PCDHA7: variants seen among roughly 807,000 people sequenced by gnomAD.
PCDHA7 encodes the protein protocadherin alpha-7.
In PCDHA7, 37 loss-of-function variants were observed where a neutral mutation model predicts 57.2. The ratio of observed to expected loss-of-function variants is 0.65; its 90% confidence interval spans 0.50 to 0.85. PCDHA7 has a LOEUF of 0.85. PCDHA7 is among the 40% of genes least tolerant of loss of function. The pLI is 0.00. For synonymous variants in PCDHA7, 553 were observed against 558.8 expected, an observed-to-expected ratio of 0.99 and a Z score of 0.15; for missense variants, 1,188 against 1,241.8, an observed-to-expected ratio of 0.96 and a Z score of 0.65.
chr5:140,926,106 G>A (rs952874240), intron 1 of PCDHA7, among the ~76,000 whole-genome samples: 9 of 152,176 alleles, frequency 5.9e-5, no homozygotes, highest in African/African-American at 2.2e-4. Flanking sequence ...GGATACAAGA[G>A]GGTGCAGGAC....
intron 1 of PCDHA7, among the ~76,000 whole-genome samples, chr5:140,921,599 G>A (rs2080288942): frequency 6.6e-6 from 1 of 152,036 alleles, no homozygotes; most frequent in African/African-American, 2.4e-5. Flanking sequence ...GGTTTCAAAG[G>A]TAATAAGAAA....
chr5:140,939,803 T>C (rs2092462819), intron 1 of PCDHA7, among the ~76,000 whole-genome samples: 1 of 152,228 alleles, frequency 6.6e-6, no homozygotes, highest in African/African-American at 2.4e-5. Flanking sequence ...ATGTTCTGCA[T>C]GTTCAAGAAA....
chr5:140,874,818 T>C (rs1169923118), intron 1 of PCDHA7, among the ~76,000 whole-genome samples: 8 of 152,256 alleles, frequency 5.3e-5, no homozygotes, highest in Admixed American at 5.2e-4. Flanking sequence ...ACAATTTATA[T>C]AAATGAAATA....
intron 1 of PCDHA7, chr5:140,875,905 T>C (rs1554168057): frequency 2.0e-5 from 32 of 1,614,104 alleles, no homozygotes; most frequent in Non-Finnish European, 1.6e-5. Flanking sequence ...TGTTTCTGAA[T>C]CTGCGCCTCT....
At chr5:140,908,602 G>T (rs542051868) in intron 1 of PCDHA7, among the ~76,000 whole-genome samples, 67 of 152,202 alleles carry the variant, frequency 4.4e-4, no homozygotes, top group African/African-American at 1.3e-3. Context: ...AAGATGGAAG[G>T]GCCTTGCTCC....
chr5:140,992,418 A>G (rs2097510878), intron 3 of PCDHA7, among the ~76,000 whole-genome samples: 1 of 152,164 alleles, frequency 6.6e-6, no homozygotes, highest in South Asian at 2.1e-4. Flanking sequence ...CCCCAGGTCT[A>G]AGAATATTGT....
intron 1 of PCDHA7, chr5:140,927,229 C>G (rs781833160): frequency 1.2e-6 from 2 of 1,614,008 alleles, no homozygotes; most frequent in African/African-American, 1.3e-5. Context: ...GATTCGGATT[C>G]ACGTCCTGGA....
chr5:140,872,246 G>A (rs2053563930), intron 1 of PCDHA7, among the ~76,000 whole-genome samples: 1 of 151,488 alleles, frequency 6.6e-6, no homozygotes, highest in Non-Finnish European at 1.5e-5. Flanking sequence ...TTATTCCTGT[G>A]ATAATACTTG....
At chr5:140,856,514 G>A in intron 1 of PCDHA7, 1 of 1,598,422 alleles carries the variant, frequency 6.3e-7, no homozygotes. Context: ...ACTAGAAGGC[G>A]CATCTGATGC....
At chr5:140,920,930 T>C (rs1286502333) in intron 1 of PCDHA7, among the ~76,000 whole-genome samples, 1 of 151,962 alleles carries the variant, frequency 6.6e-6, no homozygotes, top group Non-Finnish European at 1.5e-5. Flanking sequence ...GTAGGTGATC[T>C]AGCCCTTTCA....
In PCDHA7 at chr5:140,851,743, G is replaced by A. The variant is rs1045115703; in HGVS notation, c.2355+15005G>A. ...ACTTCGAGTTCTTTTGAAATTCAGA[G>A]TCTGTAACTTAAAACATTACCCTTA... On this transcript the variant is annotated intron_variant, in intron 1 of 3. Transcript: ENST00000525929. 3 of 972,104 alleles carry A rather than the reference G, an allele frequency of 3.1e-6. 1 individual carries two copies. The highest frequency in any genetic ancestry group is 3.7e-6 in the Non-Finnish European group (3 of 804,720). 60.2% of individuals were successfully genotyped at this position (972,104 alleles called of 1,614,324 possible).
At chr5:140,870,543 CGCGGACGCGCAG>C in intron 1 of PCDHA7, 1 of 1,614,114 alleles carries the variant, frequency 6.2e-7, no homozygotes, top group Non-Finnish European at 8.5e-7. Context: ...CGGCGCGGGA[CGCGGACGCGCAG>C]GAGAACGCGC....
intron 1 of PCDHA7, among the ~76,000 whole-genome samples, chr5:140,931,598 A>G (rs2087630191): frequency 6.6e-6 from 1 of 152,200 alleles, no homozygotes; most frequent in African/African-American, 2.4e-5. Context: ...GTCTTTTTCC[A>G]TCATTGTTGA....
chr5:140,992,097 A>G (rs1466699064), intron 3 of PCDHA7, among the ~76,000 whole-genome samples: 7 of 151,212 alleles, frequency 4.6e-5, no homozygotes, highest in Non-Finnish European at 1.0e-4. Flanking sequence ...GAGAAAGAGA[A>G]TTAAGGTGAG....
chr5:140,928,788 G>A, intron 1 of PCDHA7: 1 of 1,614,214 alleles, frequency 6.2e-7, no homozygotes, highest in South Asian at 1.1e-5. Flanking sequence ...CAGTTAAGCA[G>A]AGGGTGGTGG....
At chr5:141,003,053 C>T (rs1554258899) in intron 3 of PCDHA7, among the ~76,000 whole-genome samples, 3 of 152,206 alleles carry the variant, frequency 2.0e-5, no homozygotes, top group African/African-American at 7.2e-5. Flanking sequence ...CTTAACAGAA[C>T]AGTTCCAAAT....
At chr5:140,877,093 G>C in intron 1 of PCDHA7, 1 of 1,613,296 alleles carries the variant, frequency 6.2e-7, no homozygotes, top group Non-Finnish European at 8.5e-7. Context: ...GCGCGACGCC[G>C]GCGTGCCGCC....
intron 1 of PCDHA7, among the ~76,000 whole-genome samples, chr5:140,940,564 T>C (rs1481591678): frequency 2.0e-5 from 3 of 152,228 alleles, no homozygotes; most frequent in Non-Finnish European, 4.4e-5. Flanking sequence ...TTCTCCTACC[T>C]TGGCTCCCAA....
At chr5:140,926,018 G>C (rs1489789521) in intron 1 of PCDHA7, among the ~76,000 whole-genome samples, 1 of 152,122 alleles carries the variant, frequency 6.6e-6, no homozygotes, top group Non-Finnish European at 1.5e-5. Context: ...CCAGAGTCCG[G>C]AGGCAGTTTG....
Sources: allele counts gnomAD v4.1 joint callset (sites outside exome capture counted in the v4.1 genomes callset), GRCh38; gene constraint gnomAD v4.1.1; transcripts MANE v1.5; gene names NCBI Gene and HGNC (gene_info 2026-07-23, HGNC 2026-07-21).